NUBPL: variants seen among roughly 807,000 people sequenced by gnomAD.
The protein encoded by NUBPL is NUBP iron-sulfur cluster assembly factor, mitochondrial, also known as iron-sulfur cluster transfer protein NUBPL.
In NUBPL, 31 loss-of-function variants were observed where a neutral mutation model predicts 45.7. That is an observed-to-expected ratio of 0.68 (90% confidence interval 0.51 to 0.92). The LOEUF (loss-of-function observed/expected upper bound fraction) is 0.92. NUBPL is among the 40% of genes least tolerant of loss of function. NUBPL has a pLI of 0.00. For synonymous variants in NUBPL, 144 were observed against 140.9 expected (o/e 1.02, Z -0.15); for missense variants, 401 against 398.7 (o/e 1.01, Z -0.05).
At chr14:31,695,944 A>G (rs2037205155) in intron 6 of NUBPL, among the ~76,000 whole-genome samples, 1 of 152,232 alleles carries the variant, frequency 6.6e-6, no homozygotes, top group Admixed American at 6.5e-5. Context: ...GTATAGAGAC[A>G]CTTTTCACTT....
At chr14:31,651,625 G>A (rs576113189) in intron 4 of NUBPL, among the ~76,000 whole-genome samples, 4 of 152,282 alleles carry the variant, frequency 2.6e-5, no homozygotes, top group East Asian at 1.9e-4. Context: ...GTGGCCGGGC[G>A]TGGTGGCTCA....
chr14:31,668,607 A>G (rs2036495712), intron 4 of NUBPL, among the ~76,000 whole-genome samples: 2 of 152,072 alleles, frequency 1.3e-5, no homozygotes, highest in Admixed American at 1.3e-4. Context: ...GGGTATGAAA[A>G]AACACTCCTG....
chr14:31,672,735 A>T (rs1212222005), intron 4 of NUBPL, among the ~76,000 whole-genome samples: 2 of 152,160 alleles, frequency 1.3e-5, no homozygotes, highest in African/African-American at 4.8e-5. Flanking sequence ...TGTGCCTGGT[A>T]TTGAGGCTGT....
chr14:31,605,817 T>C (rs2034574174), intron 4 of NUBPL, among the ~76,000 whole-genome samples: 1 of 143,832 alleles, frequency 7.0e-6, no homozygotes, highest in African/African-American at 2.7e-5. Context: ...CCTCCTCCCT[T>C]CTCCTTTCTC....
intron 4 of NUBPL, among the ~76,000 whole-genome samples, chr14:31,634,212 A>G (rs1488935563): frequency 1.4e-5 from 2 of 147,018 alleles, no homozygotes; most frequent in Non-Finnish European, 3.0e-5. Flanking sequence ...AGCATTAGGT[A>G]TATCTCCTAA....
At chr14:31,837,245 C>T (rs780869213) in intron 8 of NUBPL, among the ~76,000 whole-genome samples, 32 of 152,074 alleles carry the variant, frequency 2.1e-4, no homozygotes, top group African/African-American at 6.0e-4. Flanking sequence ...CGCCTGAGTC[C>T]GGGAGTTGCA....
chr14:31,811,069 C>T lies in NUBPL; in HGVS notation c.608-15560C>T, dbSNP rs138433308. 8.9e-3 allele frequency among the ~76,000 whole-genome samples: 1,356 copies of T among 152,250 alleles called. 9 individuals carry two copies. Among genetic ancestry groups the T allele is most frequent in the Middle Eastern group, 0.024 (7 of 294 alleles). On this transcript the variant is annotated intron_variant, in intron 7 of 10. Transcript: ENST00000281081. ...CTTAGCATTTTTTCCTTCATTTCAA[C>T]CTTGGTGAATCTGATAATTATATGT...
At chr14:31,712,199 A>C (rs2037588787) in intron 6 of NUBPL, among the ~76,000 whole-genome samples, 1 of 152,186 alleles carries the variant, frequency 6.6e-6, no homozygotes, top group South Asian at 2.1e-4. Context: ...CAGAGCACTG[A>C]TTGGTGCATT....
At chr14:31,798,791 C>CAAAAA (rs1164176250) in intron 7 of NUBPL, among the ~76,000 whole-genome samples, 5 of 53,526 alleles carry the variant, frequency 9.3e-5, no homozygotes, top group Admixed American at 3.0e-4. Flanking sequence ...GACTCCGTCT[C>CAAAAA]AAAAAAAAAA....
chr14:31,791,779 T>C (rs2039387380), intron 7 of NUBPL, among the ~76,000 whole-genome samples: 2 of 152,148 alleles, frequency 1.3e-5, no homozygotes, highest in South Asian at 4.1e-4. Context: ...GAAGAATAAA[T>C]ATGATACATT....
intron 6 of NUBPL, among the ~76,000 whole-genome samples, chr14:31,733,573 T>C (rs776504715): frequency 2.4e-4 from 37 of 152,180 alleles, no homozygotes; most frequent in Admixed American, 2.0e-4. Context: ...TTCTATTTTT[T>C]AATTTTATTT....
chr14:31,654,145 T>G (rs546904159), intron 4 of NUBPL: 19 of 452,984 alleles, frequency 4.2e-5, no homozygotes, highest in African/African-American at 3.4e-4. Context: ...GTAAGCAACA[T>G]GAATTTTTTG....
At chr14:31,729,589 A>G (rs2038005857) in intron 6 of NUBPL, among the ~76,000 whole-genome samples, 1 of 152,192 alleles carries the variant, frequency 6.6e-6, no homozygotes, top group Non-Finnish European at 1.5e-5. Flanking sequence ...CCACATTAAT[A>G]GAATCTTTTT....
intron 3 of NUBPL, among the ~76,000 whole-genome samples, chr14:31,580,388 T>TGGGA (rs2033830075): frequency 6.6e-6 from 1 of 152,192 alleles, no homozygotes; most frequent in Non-Finnish European, 1.5e-5. Flanking sequence ...CTTAGGAGGC[T>TGGGA]GAACTGGGAG....
intron 7 of NUBPL, among the ~76,000 whole-genome samples, chr14:31,817,768 C>A (rs2039945773): frequency 6.6e-6 from 1 of 152,072 alleles, no homozygotes; most frequent in Non-Finnish European, 1.5e-5. Context: ...GGTAAAATAA[C>A]CAGCTAGCAT....
At chr14:31,732,760 C>T (rs575689582) in intron 6 of NUBPL, among the ~76,000 whole-genome samples, 25 of 151,962 alleles carry the variant, frequency 1.6e-4, no homozygotes, top group East Asian at 3.9e-4. Flanking sequence ...TACAGGTGTG[C>T]GCCACCATGC....
chr14:31,700,831 C>T (rs970992531), intron 6 of NUBPL, among the ~76,000 whole-genome samples: 3 of 152,196 alleles, frequency 2.0e-5, no homozygotes, highest in African/African-American at 4.8e-5. Context: ...CCCCCTCCCC[C>T]CCACCACCGT....
At chr14:31,669,526 A>G (rs538625141) in intron 4 of NUBPL, among the ~76,000 whole-genome samples, 5 of 151,976 alleles carry the variant, frequency 3.3e-5, no homozygotes, top group African/African-American at 1.2e-4. Context: ...TTAGCTAAAC[A>G]CATGTCACAG....
At chr14:31,692,648 G>A (rs1190669445) in intron 6 of NUBPL, among the ~76,000 whole-genome samples, 1 of 152,204 alleles carries the variant, frequency 6.6e-6, no homozygotes, top group Admixed American at 6.5e-5. Context: ...TCCTGCAATA[G>A]AAATGAGACA....
Sources: allele counts gnomAD v4.1 joint callset (sites outside exome capture counted in the v4.1 genomes callset), GRCh38; gene constraint gnomAD v4.1.1; transcripts MANE v1.5; gene names NCBI Gene and HGNC (gene_info 2026-07-23, HGNC 2026-07-21).